CNTNAP5: variants seen among roughly 807,000 people sequenced by gnomAD.
CNTNAP5 encodes contactin-associated protein-like 5.
CNTNAP5 carries 72 observed loss-of-function variants against 150.2 expected under a neutral mutation model. That is an observed-to-expected ratio of 0.48 (90% CI 0.40 to 0.58). CNTNAP5 has a LOEUF of 0.58. Among genes scored for constraint, CNTNAP5 ranks in the 20% least tolerant of loss-of-function variants. The pLI, the probability that CNTNAP5 is intolerant of heterozygous loss-of-function variation, is 0.00. For missense variants in CNTNAP5, 1,636 were observed against 1,626.2 expected (o/e 1.01, Z -0.10); for synonymous variants, 672 against 619.8 (o/e 1.08, Z -1.25).
At chr2:124,091,030 G>A (rs1682801356) in intron 1 of CNTNAP5, among the ~76,000 whole-genome samples, 1 of 152,188 alleles carries the variant, frequency 6.6e-6, no homozygotes, top group African/African-American at 2.4e-5. Flanking sequence ...GGGAAGTGTG[G>A]AGATTAAAGA....
intron 19 of CNTNAP5, among the ~76,000 whole-genome samples, chr2:124,842,484 T>C (rs1238026836): frequency 6.6e-6 from 1 of 152,198 alleles, no homozygotes; most frequent in Non-Finnish European, 1.5e-5. Context: ...CAGTGAAGCA[T>C]ACAGTAAGGA....
intron 19 of CNTNAP5, among the ~76,000 whole-genome samples, chr2:124,846,737 G>A (rs1683055398): frequency 6.6e-6 from 1 of 152,180 alleles, no homozygotes; most frequent in African/African-American, 2.4e-5. Flanking sequence ...AAGGGCTAGT[G>A]TTAAGATTTT....
rs541256314 is a variant in CNTNAP5, at chr2:124,610,906, G to A, written c.1876+986G>A. On this transcript the variant is annotated intron_variant, in intron 12 of 23. Coordinates refer to ENST00000682447, the MANE Select transcript of CNTNAP5 (RefSeq NM_001367498.1). ...CGGGAGACGGAGGTTGCAGTCAGCCGAGATCGTGCCACTGCACTCCAGCCT... is the reference window on the plus strand; with the variant it reads ...CGGGAGACGGAGGTTGCAGTCAGCCAAGATCGTGCCACTGCACTCCAGCCT... Among the ~76,000 whole-genome samples, 32 of 150,226 alleles carry A rather than the reference G, an allele frequency of 2.1e-4. No individual in the cohort carries two copies. In the South Asian group the frequency reaches 5.6e-3, roughly 26 times the overall value.
chr2:124,761,036 C>T (rs534534815), intron 14 of CNTNAP5, among the ~76,000 whole-genome samples: 4 of 152,252 alleles, frequency 2.6e-5, no homozygotes, highest in Admixed American at 2.6e-4. Flanking sequence ...ACACAATCAT[C>T]TCTCAACTGT....
intron 18 of CNTNAP5, among the ~76,000 whole-genome samples, chr2:124,792,414 T>C (rs1681754295): frequency 6.6e-6 from 1 of 152,210 alleles, no homozygotes; most frequent in South Asian, 2.1e-4. Flanking sequence ...TTTTGGTTCA[T>C]TTTTTCTTTA....
chr2:124,042,563 T>G (rs1487771806), intron 1 of CNTNAP5, among the ~76,000 whole-genome samples: 1 of 152,122 alleles, frequency 6.6e-6, no homozygotes, highest in African/African-American at 2.4e-5. Flanking sequence ...TATCCTGGAC[T>G]AGGAACTGCA....
chr2:124,222,338 G>A (rs575777067), intron 2 of CNTNAP5, among the ~76,000 whole-genome samples: 3 of 152,114 alleles, frequency 2.0e-5, no homozygotes, highest in South Asian at 4.1e-4. Context: ...TGAAGTAAGA[G>A]CACCTCCTTA....
chr2:124,456,352 A>C (rs1373931286), intron 6 of CNTNAP5, among the ~76,000 whole-genome samples: 1 of 152,184 alleles, frequency 6.6e-6, no homozygotes, highest in East Asian at 1.9e-4. Flanking sequence ...TTAGGAAGAT[A>C]CCTAATCAAG....
chr2:124,172,213 T>C (rs184501722), intron 1 of CNTNAP5, among the ~76,000 whole-genome samples: 59 of 152,338 alleles, frequency 3.9e-4, no homozygotes, highest in African/African-American at 1.3e-3. Context: ...TAACTTGGTA[T>C]AAGTCATTGT....
chr2:124,799,640 T>C (rs550596387), intron 19 of CNTNAP5, among the ~76,000 whole-genome samples: 2 of 152,364 alleles, frequency 1.3e-5, no homozygotes, highest in East Asian at 3.9e-4. Context: ...GAGGAAACTC[T>C]AAATTATTAT....
At chr2:124,303,672 A>T (rs1427611940) in intron 3 of CNTNAP5, among the ~76,000 whole-genome samples, 1 of 152,206 alleles carries the variant, frequency 6.6e-6, no homozygotes, top group African/African-American at 2.4e-5. Context: ...CTTATTTGGG[A>T]TCAGTTATTT....
chr2:124,471,471 C>A (rs1432558475), intron 6 of CNTNAP5, among the ~76,000 whole-genome samples: 1 of 152,096 alleles, frequency 6.6e-6, no homozygotes, highest in Non-Finnish European at 1.5e-5. Context: ...TGGGCTGAGA[C>A]AATGGAGTTT....
At chr2:124,443,249 A>T (rs576638518) in intron 5 of CNTNAP5, among the ~76,000 whole-genome samples, 1 of 148,806 alleles carries the variant, frequency 6.7e-6, no homozygotes, top group East Asian at 1.9e-4. Flanking sequence ...TATATTATTT[A>T]TATATAATTA....
intron 1 of CNTNAP5, among the ~76,000 whole-genome samples, chr2:124,102,853 T>C (rs116078847): frequency 0.011 from 1,605 of 152,340 alleles, 33 homozygotes; most frequent in African/African-American, 0.037. Context: ...CAGTGGTTGG[T>C]ACATGCAAAG....
At chr2:124,289,550 T>C (rs1254149390) in intron 3 of CNTNAP5, among the ~76,000 whole-genome samples, 1 of 152,228 alleles carries the variant, frequency 6.6e-6, no homozygotes, top group Non-Finnish European at 1.5e-5. Flanking sequence ...GTTTCAGCAT[T>C]AGAAGAAACG....
At chr2:124,500,585 TAAAACTGGAA>T (rs538291282) in intron 7 of CNTNAP5, among the ~76,000 whole-genome samples, 23 of 152,178 alleles carry the variant, frequency 1.5e-4, no homozygotes, top group African/African-American at 5.5e-4. Context: ...GAATTCTTGC[TAAAACTGGAA>T]AAAACGGGAC....
At chr2:124,428,500 C>G (rs1302315063) in intron 4 of CNTNAP5, among the ~76,000 whole-genome samples, 1 of 152,170 alleles carries the variant, frequency 6.6e-6, no homozygotes, top group African/African-American at 2.4e-5. Flanking sequence ...TGTACCTCTA[C>G]CATAACAAAG....
At chr2:124,548,713 G>C (rs1479045783) in intron 10 of CNTNAP5, among the ~76,000 whole-genome samples, 1 of 152,136 alleles carries the variant, frequency 6.6e-6, no homozygotes, top group Non-Finnish European at 1.5e-5. Context: ...CCATCTGCAA[G>C]TATAAGTGAC....
chr2:124,639,525 A>G (rs916987056), intron 12 of CNTNAP5, among the ~76,000 whole-genome samples: 6 of 152,148 alleles, frequency 3.9e-5, no homozygotes, highest in Non-Finnish European at 5.9e-5. Context: ...TATCTCTTCA[A>G]AAGACAAAGG....
Sources: gnomAD v4.1 joint callset for allele counts (sites outside exome capture counted in the v4.1 genomes callset) on GRCh38, gnomAD v4.1.1 for gene constraint, MANE v1.5 for transcripts, NCBI Gene and HGNC (gene_info 2026-07-23, HGNC 2026-07-21) for gene names.